The following PTGR1 variants were observed in gnomAD, a reference collection of about 807,000 sequenced individuals.
PTGR1 encodes the protein 15-oxoprostaglandin 13-reductase.
Under a neutral mutation model 37.7 loss-of-function variants are expected in PTGR1, and 23 were observed. The observed-to-expected ratio is 0.61, with a 90% confidence interval of 0.44 to 0.86. The LOEUF (loss-of-function observed/expected upper bound fraction) is 0.86. Ranked by LOEUF, PTGR1 falls within the 40% of genes least tolerant of loss-of-function variation. The pLI, the probability that PTGR1 is intolerant of heterozygous loss-of-function variation, is 0.00. For missense variants in PTGR1, 351 were observed against 394.3 expected (o/e 0.89, Z 0.93); for synonymous variants, 134 against 140.0 (o/e 0.96, Z 0.30).
intron 7 of PTGR1, among the ~76,000 whole-genome samples, chr9:111,576,000 A>G (rs971153277): frequency 6.6e-6 from 1 of 152,028 alleles, no homozygotes; most frequent in Non-Finnish European, 1.5e-5. Context: ...CAAAAAAAAA[A>G]TACATAAAAA....
Position 111,586,218 on chromosome 9 carries a change from C to G in PTGR1, c.210-53G>C, listed in dbSNP as rs1829424662. The stretch of plus-strand genomic sequence containing the variant: ...AAGGCATGTGACATGTCTTCCCTTT[C>G]AAGGGAGTCAGGATGCTGTGTGGTT... On this transcript the variant is annotated intron_variant, in intron 4 of 9. Coordinates refer to ENST00000407693, the MANE Select transcript of PTGR1 (RefSeq NM_001146108.2). 1.4e-5 allele frequency: 22 copies of G among 1,554,288 alleles called. No homozygotes were observed. In the South Asian group the frequency reaches 2.5e-4, roughly 18 times the overall value.
chr9:111,582,463 C>A (rs768050723), intron 6 of PTGR1, among the ~76,000 whole-genome samples: 1 of 152,206 alleles, frequency 6.6e-6, no homozygotes, highest in Non-Finnish European at 1.5e-5. Flanking sequence ...TTAAACCAAA[C>A]TCACTTGTGA....
intron 8 of PTGR1, among the ~76,000 whole-genome samples, chr9:111,573,983 C>G (rs1262238616): frequency 6.6e-6 from 1 of 152,134 alleles, no homozygotes; most frequent in Non-Finnish European, 1.5e-5. Flanking sequence ...AATTGTCAGC[C>G]TGCTGAGGCC....
At chr9:111,563,382 G>T in intron 9 of PTGR1, 151 bp from the exon 10 acceptor site, 1 of 712,286 alleles carries the variant, frequency 1.4e-6, no homozygotes, top group Non-Finnish European at 2.2e-6. Context: ...TGAAGTCAAG[G>T]TGGGGCAAGA....
intron 9 of PTGR1, among the ~76,000 whole-genome samples, chr9:111,565,101 G>C (rs1189725985): frequency 6.6e-6 from 1 of 152,038 alleles, no homozygotes; most frequent in Non-Finnish European, 1.5e-5. Flanking sequence ...CCCAGCCTGG[G>C]CAACAAGAGC....
chr9:111,566,324 T>C (rs1380785925), intron 9 of PTGR1, among the ~76,000 whole-genome samples: 2 of 152,196 alleles, frequency 1.3e-5, no homozygotes, highest in Non-Finnish European at 2.9e-5. Context: ...TGATCACAGA[T>C]GGGTTACATT....
At chr9:111,590,312 GAACAGT>G (rs1829573051) in intron 4 of PTGR1, among the ~76,000 whole-genome samples, 1 of 151,958 alleles carries the variant, frequency 6.6e-6, no homozygotes, top group Admixed American at 6.5e-5. Context: ...GACTGATGAT[GAACAGT>G]ATAAGGGAAA....
At chr9:111,594,933 C>T (rs1449629707) in intron 2 of PTGR1, among the ~76,000 whole-genome samples, 1 of 144,880 alleles carries the variant, frequency 6.9e-6, no homozygotes, top group African/African-American at 2.6e-5. Flanking sequence ...CTGAACACTG[C>T]AACCTCCATC....
At chr9:111,578,147 C>T (rs972788883) in intron 7 of PTGR1, among the ~76,000 whole-genome samples, 1 of 152,186 alleles carries the variant, frequency 6.6e-6, no homozygotes, top group South Asian at 2.1e-4. Context: ...GGCATATATA[C>T]TTTCTTCATG....
downstream of PTGR1, among the ~76,000 whole-genome samples, chr9:111,559,188 A>C (rs1486698010): frequency 6.6e-6 from 1 of 151,692 alleles, no homozygotes; most frequent in East Asian, 1.9e-4. Context: ...CAGGTCACTC[A>C]CTCGCACGTG....
intron 4 of PTGR1, among the ~76,000 whole-genome samples, chr9:111,587,939 AT>A (rs1451245868): frequency 6.7e-6 from 1 of 149,768 alleles, no homozygotes; most frequent in East Asian, 2.0e-4. Flanking sequence ...AATGTTAATT[AT>A]TTTTTTCCTT....
intron 7 of PTGR1, chr9:111,576,628 G>A (rs768389250): frequency 1.0e-4 from 55 of 527,752 alleles, no homozygotes; most frequent in Non-Finnish European, 1.6e-4. Flanking sequence ...CTACTAGGAT[G>A]AGTTGTTTTA....
At chr9:111,560,682 G>A (rs963876869), downstream of PTGR1, among the ~76,000 whole-genome samples, 19 of 142,020 alleles carry the variant, frequency 1.3e-4, no homozygotes, top group Non-Finnish European at 2.0e-4. Context: ...GGTGGTTCAC[G>A]CGTGTAATCC....
chr9:111,585,930 G>T, intron 5 of PTGR1, 68 bp downstream of exon 5: 2 of 1,577,700 alleles, frequency 1.3e-6, no homozygotes, highest in South Asian at 1.2e-5. Flanking sequence ...ACCAAGTTCT[G>T]AACAAACCAT....
rs1589315482 is a variant in PTGR1, at chr9:111,586,173, ATAAAGCACAT to A, written c.210-18_210-9del. On this transcript the variant is annotated splice_polypyrimidine_tract_variant and intron_variant, in intron 4 of 9. Coordinates refer to ENST00000407693, the MANE Select transcript of PTGR1 (RefSeq NM_001146108.2). ...TTTTTACTTTCCACAACTCTGAAAG[ATAAAGCACAT>A]TAAGGCATTAAGGCATGTGACATGT... 6.2e-7 allele frequency: 1 copy of A among 1,613,438 alleles called. No homozygotes were observed.
At chr9:111,572,377 G>A (rs1007076263) in intron 8 of PTGR1, among the ~76,000 whole-genome samples, 4 of 152,150 alleles carry the variant, frequency 2.6e-5, no homozygotes, top group East Asian at 1.9e-4. Context: ...AGCAGATCAC[G>A]AGGTCAGGAA....
chr9:111,577,305 C>A (rs1168086854), intron 7 of PTGR1: 2 of 152,068 alleles, frequency 1.3e-5, no homozygotes, highest in Admixed American at 6.6e-5. Context: ...AAAAGACAGA[C>A]AATAGCACGT....
chr9:111,572,713 C>T (rs1427435329), intron 8 of PTGR1, among the ~76,000 whole-genome samples: 21 of 138,706 alleles, frequency 1.5e-4, no homozygotes, highest in Admixed American at 9.9e-4. Flanking sequence ...GCCATGATTG[C>T]GCCACTGCAC....
Position 111,589,964 on chromosome 9 carries a change from G to C in PTGR1, c.209+2962C>G, listed in dbSNP as rs1199714118. Among the ~76,000 whole-genome samples the C allele has an allele frequency of 2.0e-5, 3 of 152,152 alleles. No individual in the cohort carries two copies. The East Asian group carries it at 5.8e-4, about 29-fold the overall frequency. On this transcript the variant is annotated intron_variant, in intron 4 of 9. Transcript: ENST00000407693. ...TAAATATTTTAGTAATTATGGAGTGGGGAACCCCTTTCTAAGCATGAGATG... is the reference window on the plus strand; with the variant it reads ...TAAATATTTTAGTAATTATGGAGTGCGGAACCCCTTTCTAAGCATGAGATG...
Sources: gnomAD v4.1 joint callset for allele counts (sites outside exome capture counted in the v4.1 genomes callset) on GRCh38, gnomAD v4.1.1 for gene constraint, MANE v1.5 for transcripts, NCBI Gene and HGNC (gene_info 2026-07-23, HGNC 2026-07-21) for gene names.